KDM4B: variants seen among roughly 807,000 people sequenced by gnomAD.
The protein encoded by KDM4B is lysine-specific demethylase 4B.
In KDM4B, 32 loss-of-function variants were observed where a neutral mutation model predicts 125.2. The observed-to-expected ratio is 0.26, with a 90% CI of 0.19 to 0.34. KDM4B has a LOEUF of 0.34. Ranked by LOEUF, KDM4B falls within the 10% of genes least tolerant of loss-of-function variation. KDM4B has a pLI of 1.00. For missense variants in KDM4B, 1,190 were observed against 1,577.7 expected (o/e 0.75, Z 4.16); for synonymous variants, 721 against 677.9 (o/e 1.06, Z -0.99).
At position 5,002,208 on chromosome 19, in the gene KDM4B, G is replaced by A. The variant is rs534755863; in HGVS notation, c.-108-14049G>A. ...AGATAGGGTTTCGCCATGTTGGTCA[G>A]GCTGGTCTCAAAATCCTGACCTCAG... On this transcript the variant is annotated intron_variant, in intron 1 of 22. Coordinates refer to ENST00000159111, the MANE Select transcript of KDM4B (RefSeq NM_015015.3). Among the ~76,000 whole-genome samples, 3 of 152,256 alleles carry A rather than the reference G, an allele frequency of 2.0e-5. No individual in the cohort carries two copies. The South Asian group carries it at 6.2e-4, about 32-fold the overall frequency.
chr19:5,031,574 G>A lies in KDM4B; in HGVS notation c.-25-1292G>A, dbSNP rs146159255. Among the ~76,000 whole-genome samples, 241 of 152,352 alleles carry A rather than the reference G, an allele frequency of 1.6e-3. 1 individual carries two copies. The highest frequency in any genetic ancestry group is 2.9e-3 in the Non-Finnish European group (196 of 68,026). On this transcript the variant is annotated intron_variant, in intron 2 of 22. Transcript: ENST00000159111. ...GGGGGTCTCTCAGCAGCAGCCCAGC[G>A]CGGGGTGTGACGTCAGGGCTGGGGC...
chr19:5,020,944 C>A (rs540016590), intron 2 of KDM4B, among the ~76,000 whole-genome samples: 73 of 151,764 alleles, frequency 4.8e-4, no homozygotes, highest in African/African-American at 1.7e-3. Flanking sequence ...GTCAGGAGTT[C>A]AAGACCAGCC....
At chr19:4,991,704 AT>A (rs1415670247) in intron 1 of KDM4B, among the ~76,000 whole-genome samples, 1 of 152,088 alleles carries the variant, frequency 6.6e-6, no homozygotes, top group Non-Finnish European at 1.5e-5. Flanking sequence ...AGGAACCACC[AT>A]TGCAATCAAG....
intron 6 of KDM4B, among the ~76,000 whole-genome samples, chr19:5,053,329 C>T (rs1056420186): frequency 7.2e-5 from 11 of 152,214 alleles, no homozygotes; most frequent in Non-Finnish European, 4.4e-5. Context: ...CAGCCCGATG[C>T]GTGCCTCGCT....
intron 20 of KDM4B, 62 bp downstream of exon 20, chr19:5,144,474 C>CCGAGAGCA (rs2146103611): frequency 1.1e-5 from 14 of 1,263,546 alleles, no homozygotes; most frequent in South Asian, 2.8e-5. Flanking sequence ...AACCTGTACC[C>CCGAGAGCA]TGAGAGCATC....
chr19:5,128,777 C>T (rs1028449722), intron 11 of KDM4B, among the ~76,000 whole-genome samples: 4 of 150,772 alleles, frequency 2.7e-5, no homozygotes, highest in African/African-American at 7.3e-5. Context: ...TTTCTTCCCA[C>T]GCCAGCCTGT....
chr19:5,113,809 G>A (rs1424529118), intron 10 of KDM4B: 2 of 839,680 alleles, frequency 2.4e-6, no homozygotes, highest in Non-Finnish European at 2.9e-6. Context: ...CAGGGTGGGC[G>A]CCATGCCCTC....
At chr19:5,105,312 GAC>G (rs1457080181) in intron 9 of KDM4B, among the ~76,000 whole-genome samples, 2 of 152,254 alleles carry the variant, frequency 1.3e-5, no homozygotes, top group Non-Finnish European at 2.9e-5. Flanking sequence ...GTCTGCAACA[GAC>G]ACACCTGCGA....
intron 1 of KDM4B, among the ~76,000 whole-genome samples, chr19:4,979,154 A>G (rs1031100942): frequency 6.6e-6 from 1 of 151,936 alleles, no homozygotes; most frequent in Non-Finnish European, 1.5e-5. Context: ...TGTGGTGGCT[A>G]TGTCTGTAGT....
In KDM4B at chr19:4,971,693, C is replaced by T. The variant is rs950356018; in HGVS notation, c.-109+2463C>T. Among the ~76,000 whole-genome samples, 26 of 152,116 alleles carry T rather than the reference C, an allele frequency of 1.7e-4. No homozygotes were observed. The highest frequency in any genetic ancestry group is 6.0e-4 in the African/African-American group (25 of 41,414). On this transcript the variant is annotated intron_variant, in intron 1 of 22. Transcript: ENST00000159111. This position sits in a 1 kb window ranked among gnomAD's most constrained non-coding sequence, Gnocchi z 4.1. ...CTGGCTGCCCAGGGCCTGGTCACAG[C>T]TGGAATGGTGGTGTGCAGTCCGCTG...
At chr19:4,975,290 T>C (rs922352397) in intron 1 of KDM4B, among the ~76,000 whole-genome samples, 1 of 152,234 alleles carries the variant, frequency 6.6e-6, no homozygotes, top group African/African-American at 2.4e-5. Context: ...AGTAAAACTT[T>C]ATTTATGGAC....
chr19:5,101,867 C>T (rs1160348231), intron 9 of KDM4B, among the ~76,000 whole-genome samples: 2 of 152,206 alleles, frequency 1.3e-5, no homozygotes, highest in Non-Finnish European at 2.9e-5. Flanking sequence ...GAGTAGCCCT[C>T]CAGCCTCCTG....
intron 9 of KDM4B, among the ~76,000 whole-genome samples, chr19:5,104,068 AAG>A (rs2038988823): frequency 6.6e-6 from 1 of 152,074 alleles, no homozygotes; most frequent in Non-Finnish European, 1.5e-5. Context: ...ATCTGGGAAA[AAG>A]TGTCCTGTGG....
chr19:4,992,018 C>G (rs1353377952), intron 1 of KDM4B, among the ~76,000 whole-genome samples: 1 of 152,100 alleles, frequency 6.6e-6, no homozygotes, highest in African/African-American at 2.4e-5. Flanking sequence ...TCCCATCTTT[C>G]ATTCCCGATT....
intron 6 of KDM4B, among the ~76,000 whole-genome samples, chr19:5,055,201 G>A (rs953710756): frequency 2.0e-5 from 3 of 152,216 alleles, no homozygotes. Flanking sequence ...CAAGGACTGG[G>A]AGAACACCTC....
chr19:4,983,496 C>G lies in KDM4B; in HGVS notation c.-109+14266C>G, dbSNP rs566770808. On this transcript the variant is annotated intron_variant, in intron 1 of 22. Coordinates refer to ENST00000159111, the MANE Select transcript of KDM4B (RefSeq NM_015015.3). ...TCCTGGCCTATCTTCCCAGTGGGCT[C>G]TCGCCCACAGTCTCTCGCCTTTGCC... Among the ~76,000 whole-genome samples, 405 of 152,370 alleles carry G rather than the reference C, an allele frequency of 2.7e-3. 3 individuals carry two copies. Among genetic ancestry groups the G allele is most frequent in the African/African-American group, 9.4e-3 (390 of 41,584 alleles).
intron 6 of KDM4B, among the ~76,000 whole-genome samples, chr19:5,053,818 A>G (rs1382011358): frequency 6.6e-6 from 1 of 152,208 alleles, no homozygotes; most frequent in East Asian, 1.9e-4. Flanking sequence ...CAGACCAGCC[A>G]CTACCCCCCA....
In KDM4B at chr19:5,151,598, G is replaced by A. The variant is rs912983556; in HGVS notation, c.*87G>A. The A allele has an allele frequency of 4.5e-5, 53 of 1,182,788 alleles. No homozygotes were observed. The highest frequency in any genetic ancestry group is 2.4e-4 in the African/African-American group (15 of 62,876). 73.3% of individuals were successfully genotyped at this position (1,182,788 alleles called of 1,614,324 possible). A position where few individuals can be genotyped will look rare whatever the true frequency, so the allele number is the denominator to read the frequency against. ...TCGCTTGCTGTGAATTCCTGTCCTC[G>A]TGTCCCCGACCCCCGAGAGGCCACC... On this transcript the variant is annotated 3_prime_UTR_variant, in exon 23 of 23. Transcript: ENST00000159111.
At chr19:5,054,049 C>T (rs575945054) in intron 6 of KDM4B, among the ~76,000 whole-genome samples, 9 of 152,338 alleles carry the variant, frequency 5.9e-5, no homozygotes, top group African/African-American at 2.2e-4. Flanking sequence ...TATTCCTGTG[C>T]GTGAGTGGGC....
Sources: gnomAD v4.1 joint callset for allele counts (sites outside exome capture counted in the v4.1 genomes callset) on GRCh38, gnomAD v4.1.1 for gene constraint, Gnocchi (gnomAD v3.1) non-coding constraint, MANE v1.5 for transcripts, NCBI Gene and HGNC (gene_info 2026-07-23, HGNC 2026-07-21) for gene names.